Variants in NCK2 observed in about 807,000 individuals in gnomAD.
NCK2 encodes the protein cytoplasmic protein NCK2.
In NCK2, 16 loss-of-function variants were observed where a neutral mutation model predicts 33.9. The ratio of observed to expected loss-of-function variants is 0.47; its 90% CI spans 0.32 to 0.72. The LOEUF is 0.72. Among genes scored for constraint, NCK2 ranks in the 30% least tolerant of loss-of-function variants. The pLI is 0.03. For missense variants in NCK2, 418 were observed against 537.3 expected (o/e 0.78, Z 2.19); for synonymous variants, 273 against 239.9 (o/e 1.14, Z -1.27).
At chr2:105,766,854 A>G (rs4851849) in intron 1 of NCK2, among the ~76,000 whole-genome samples, 51,193 of 152,122 alleles carry the variant, frequency 0.34, 9,733 homozygotes, top group East Asian at 0.46. Flanking sequence ...TTTGACTTAC[A>G]AATTAATATT....
chr2:105,764,839 G>A (rs1689885977), intron 1 of NCK2, among the ~76,000 whole-genome samples: 1 of 152,120 alleles, frequency 6.6e-6, no homozygotes, highest in Non-Finnish European at 1.5e-5. Context: ...TTCTCACTCT[G>A]AATATTTTTT....
intron 1 of NCK2, among the ~76,000 whole-genome samples, chr2:105,808,930 AG>A (rs1442487901): frequency 6.6e-6 from 1 of 152,188 alleles, no homozygotes; most frequent in Non-Finnish European, 1.5e-5. Flanking sequence ...CCATCTTGTG[AG>A]GGCTGGGGTG....
chr2:105,854,414 A>G (rs1677180348), intron 2 of NCK2: 1 of 152,190 alleles, frequency 6.6e-6, no homozygotes, highest in Admixed American at 6.5e-5. Flanking sequence ...TTTCCCTTAT[A>G]CCCTTTACCT....
chr2:105,809,055 G>C (rs1386034752), intron 1 of NCK2, among the ~76,000 whole-genome samples: 1 of 152,224 alleles, frequency 6.6e-6, no homozygotes, highest in African/African-American at 2.4e-5. Flanking sequence ...GCAGGAGCTT[G>C]GCCCAGGAAG....
chr2:105,888,541 A>G (rs1678818162), intron 4 of NCK2, among the ~76,000 whole-genome samples: 1 of 152,192 alleles, frequency 6.6e-6, no homozygotes, highest in Non-Finnish European at 1.5e-5. Context: ...AGAAAATTGT[A>G]ATGAGTGTCC....
At chr2:105,810,135 G>T (rs1675233712) in intron 1 of NCK2, among the ~76,000 whole-genome samples, 1 of 152,222 alleles carries the variant, frequency 6.6e-6, no homozygotes, top group South Asian at 2.1e-4. Flanking sequence ...AGGGAAAGGA[G>T]TGTGGAATTT....
At chr2:105,870,196 G>A (rs530996540) in intron 3 of NCK2, among the ~76,000 whole-genome samples, 1 of 152,328 alleles carries the variant, frequency 6.6e-6, no homozygotes, top group East Asian at 1.9e-4. Flanking sequence ...ACAGTGCCAC[G>A]GGGCCAAGCA....
chr2:105,808,845 A>G (rs1675186035), intron 1 of NCK2, among the ~76,000 whole-genome samples: 1 of 152,194 alleles, frequency 6.6e-6, no homozygotes, highest in African/African-American at 2.4e-5. Flanking sequence ...GTGATACTGA[A>G]GTTGTGCTGA....
At chr2:105,883,482 C>A (rs1678591663) in intron 4 of NCK2, among the ~76,000 whole-genome samples, 1 of 152,134 alleles carries the variant, frequency 6.6e-6, no homozygotes, top group Admixed American at 6.5e-5. Flanking sequence ...AGAAGGAAGT[C>A]CTGCAGTGTG....
chr2:105,768,812 C>T (rs1690031681), intron 1 of NCK2, among the ~76,000 whole-genome samples: 1 of 152,186 alleles, frequency 6.6e-6, no homozygotes, highest in South Asian at 2.1e-4. Flanking sequence ...AACTTAGGAA[C>T]AGCCCAAAGG....
chr2:105,765,558 G>T (rs976039173), intron 1 of NCK2, among the ~76,000 whole-genome samples: 1 of 152,088 alleles, frequency 6.6e-6, no homozygotes, highest in South Asian at 2.1e-4. Flanking sequence ...TTTAGTTTTT[G>T]TTAGACTGTT....
intron 1 of NCK2, among the ~76,000 whole-genome samples, chr2:105,762,294 C>T (rs1307554059): frequency 6.6e-6 from 1 of 151,958 alleles, no homozygotes; most frequent in Non-Finnish European, 1.5e-5. Context: ...AGCATCAAAC[C>T]AGGGGGGGTC....
In NCK2 at chr2:105,877,720, T is replaced by G. The variant is rs1678295998; in HGVS notation, c.227-3608T>G. ...CCTATAGAAATCATATTACAGATGATAATGCTTTCCATAAAAACCATTCTG... is the reference window on the plus strand; with the variant it reads ...CCTATAGAAATCATATTACAGATGAGAATGCTTTCCATAAAAACCATTCTG... On this transcript the variant is annotated intron_variant, in intron 3 of 4. Transcript: ENST00000233154. Among the ~76,000 whole-genome samples the G allele has an allele frequency of 3.3e-5, 5 of 152,342 alleles. No homozygotes were observed. In the South Asian group the frequency reaches 1.0e-3, roughly 32 times the overall value.
intron 1 of NCK2, among the ~76,000 whole-genome samples, chr2:105,799,315 A>G (rs117343449): frequency 6.6e-6 from 1 of 151,584 alleles, no homozygotes; most frequent in Admixed American, 6.6e-5. Flanking sequence ...GGTGTTTTCC[A>G]TATGTCCTTC....
intron 3 of NCK2, among the ~76,000 whole-genome samples, chr2:105,864,660 C>T (rs1677677490): frequency 6.6e-6 from 1 of 152,052 alleles, no homozygotes; most frequent in Non-Finnish European, 1.5e-5. Context: ...GGGCCTACCT[C>T]GGAGAGCTGG....
chr2:105,816,153 A>C (rs1166288652), intron 1 of NCK2, among the ~76,000 whole-genome samples: 1 of 152,192 alleles, frequency 6.6e-6, no homozygotes, highest in South Asian at 2.1e-4. Flanking sequence ...TTCAAAATAC[A>C]TAAAATTAGC....
intron 1 of NCK2, among the ~76,000 whole-genome samples, chr2:105,751,884 T>C (rs999421023): frequency 2.0e-5 from 3 of 152,192 alleles, no homozygotes; most frequent in Admixed American, 2.0e-4. Flanking sequence ...GAACCACAAA[T>C]GCAAGCCCCA....
chr2:105,760,334 C>T (rs145862828), intron 1 of NCK2, among the ~76,000 whole-genome samples: 5 of 152,140 alleles, frequency 3.3e-5, no homozygotes, highest in African/African-American at 4.8e-5. Context: ...ATGCAAATTC[C>T]GGGGAACTGC....
intron 2 of NCK2, among the ~76,000 whole-genome samples, chr2:105,824,328 A>G (rs188357586): frequency 1.1e-3 from 161 of 152,086 alleles, no homozygotes; most frequent in Non-Finnish European, 2.0e-3. Flanking sequence ...GAGCCCAGTC[A>G]CTCCTCAGTC....
Sources: gnomAD v4.1 joint callset for allele counts (sites outside exome capture counted in the v4.1 genomes callset) on GRCh38, gnomAD v4.1.1 for gene constraint, MANE v1.5 for transcripts, NCBI Gene and HGNC (gene_info 2026-07-23, HGNC 2026-07-21) for gene names.